Variants in PIMREG observed in about 807,000 individuals in gnomAD.
PIMREG encodes the protein PICALM interacting mitotic regulator.
A neutral mutation model predicts 24.3 loss-of-function variants in PIMREG; 19 were observed. The ratio of observed to expected loss-of-function variants is 0.78; its 90% CI spans 0.54 to 1.15. The LOEUF is 1.15. Ranked by LOEUF, PIMREG falls within the 50% of genes most tolerant of loss-of-function variation. PIMREG has a pLI of 0.00. For missense variants in PIMREG, 283 were observed against 306.8 expected (o/e 0.92, Z 0.58); for synonymous variants, 112 against 124.1 (o/e 0.90, Z 0.65).
rs1000648363 is a variant in PIMREG at position 6,445,190 on chromosome 17, A to G, written c.80A>G (p.Lys27Arg). 7.4e-6 allele frequency: 12 copies of G among 1,613,614 alleles called. No individual in the cohort carries two copies. The highest frequency in any genetic ancestry group is 1.3e-5 in the African/African-American group (1 of 74,880). ...LQHQEQLEDS[K>R]ELQPVVSHQE... ...CACCAGGAGCAGCTGGAGGACAGCAAGGAGCTGCAGCCTGTGGTCAGCCAT... is the reference window on the plus strand; with the variant it reads ...CACCAGGAGCAGCTGGAGGACAGCAGGGAGCTGCAGCCTGTGGTCAGCCAT... Residue 27 changes from lysine (K) to arginine (R), a missense_variant, in exon 2 of 6, where the codon AAG becomes AGG. Transcript: ENST00000572447.
rs1160080888 is a variant in PIMREG, at chr17:6,448,425, G to T, written c.590+667G>T. 2.0e-5 allele frequency among the ~76,000 whole-genome samples: 3 copies of T among 151,998 alleles called. No homozygotes were observed. The East Asian group carries it at 5.8e-4, about 29-fold the overall frequency. On this transcript the variant is annotated intron_variant, in intron 3 of 5. Transcript: ENST00000572447. Reference sequence around the variant, plus strand: ...GGCTGCATAGTAGCTTAGGGCTGTTGAATTTTTCCCCAGATTTCTTTGAGG... The same window carrying T: ...GGCTGCATAGTAGCTTAGGGCTGTTTAATTTTTCCCCAGATTTCTTTGAGG...
Position 6,450,015 on chromosome 17 carries a change from C to A in PIMREG, c.687-13C>A. The A allele has an allele frequency of 6.2e-7, 1 of 1,613,992 alleles. No individual in the cohort carries two copies. The highest frequency in any genetic ancestry group is 8.5e-7 in the Non-Finnish European group (1 of 1,179,844). On this transcript the variant is annotated splice_polypyrimidine_tract_variant and intron_variant, in intron 4 of 5. Coordinates refer to ENST00000572447, the MANE Select transcript of PIMREG (RefSeq NM_019013.3). ...CCACACCCAGTGGCATCAATCCCTC[C>A]CCTTCTCTCTAGTGGTGACATCGTC...
chr17:6,446,815 C>T (rs1433443638), intron 2 of PIMREG, among the ~76,000 whole-genome samples: 1 of 152,146 alleles, frequency 6.6e-6, no homozygotes. Context: ...GGCGGGGTGG[C>T]CTGTTCTTTT....
intron 1 of PIMREG, 69 bp from the exon 2 acceptor site, chr17:6,445,007 G>A: frequency 4.7e-6 from 6 of 1,278,728 alleles, no homozygotes; most frequent in Non-Finnish European, 6.3e-6. Flanking sequence ...CTGTGTCCAG[G>A]GTCTCTGTGG....
chr17:6,448,282 CAAAAAAAAA>C (rs71154695), intron 3 of PIMREG, among the ~76,000 whole-genome samples: 2 of 41,292 alleles, frequency 4.8e-5, no homozygotes, highest in Non-Finnish European at 8.4e-5. Flanking sequence ...GACCCTGTCT[CAAAAAAAAA>C]AAAAAAAAAA....
Position 6,447,628 on chromosome 17 carries a change from G to A in PIMREG, c.460G>A (p.Asp154Asn). The part of the protein sequence containing the change: ...SGAAPAHSAA[D>N]PWEKEHHRLS... ...AGCCGCCCCTGCCCACTCAGCCGCA[G>A]ACCCCTGGGAGAAGGAGCATCACCG... The change falls in exon 3 of 6, where the codon GAC (aspartate) becomes AAC (asparagine). Residue 154 changes from aspartate to asparagine, a missense_variant. By Grantham distance (23) the Asp-to-Asn change is conservative (BLOSUM62 1). Transcript: ENST00000572447. 1.2e-6 allele frequency: 2 copies of A among 1,613,876 alleles called. No individual in the cohort carries two copies. Among genetic ancestry groups the A allele is most frequent in the Non-Finnish European group, 1.7e-6 (2 of 1,179,900 alleles).
Position 6,450,831 on chromosome 17 carries a change from G to A in PIMREG, c.*484G>A, listed in dbSNP as rs962035191. On this transcript the variant is annotated 3_prime_UTR_variant, in exon 6 of 6. Transcript: ENST00000572447. ...TCCCTCCTTTCCCTACCAGGGACTC[G>A]GAGGAAGGCATAGGAGATATTTCCA... 1.3e-4 allele frequency: 26 copies of A among 193,394 alleles called. No individual in the cohort carries two copies. The highest frequency in any genetic ancestry group is 5.8e-4 in the African/African-American group (25 of 42,952). The allele number at this position is 193,394 out of a possible 1,614,324, so 12.0% of individuals were successfully genotyped here.
Position 6,449,023 on chromosome 17 carries a change from C to T in PIMREG, c.591-289C>T, listed in dbSNP as rs192506305. Among the ~76,000 whole-genome samples, 41 of 152,324 alleles carry T rather than the reference C, an allele frequency of 2.7e-4. 1 individual carries two copies. The highest frequency in any genetic ancestry group is 2.2e-3 in the Admixed American group (34 of 15,304). ...TTAGTTCTGACACAATCACACTCAC[C>T]CAAGCCTCCTAGTGAGCCCAGAAGC... is the stretch of plus-strand genomic sequence containing the variant. On this transcript the variant is annotated intron_variant, in intron 3 of 5. Transcript: ENST00000572447.
chr17:6,447,460 C>T lies in PIMREG; in HGVS notation c.295-3C>T. The T allele has an allele frequency of 6.2e-7, 1 of 1,613,028 alleles. No homozygotes were observed. On this transcript the variant is annotated splice_polypyrimidine_tract_variant and splice_region_variant and intron_variant, in intron 2 of 5. Transcript: ENST00000572447. ...TGCTAACCTTTCCATTTGCCTGTTC[C>T]AGAGAATCCAGGAGTCCTGCCAAAG...
rs1913530508 is a variant in PIMREG, at chr17:6,445,310, C to T, written c.200C>T (p.Pro67Leu). ...GTCAACCTCAACCTCCGCGCAGGGC[C>T]CTCCTGGAAACGCCTGGAAACCCCA... The part of the protein sequence containing the change: ...RAVNLNLRAG[P>L]SWKRLETPEP... Residue 67 changes from proline (P) to leucine (L), a missense_variant, in exon 2 of 6, where the codon CCC (proline) becomes CTC (leucine). Coordinates refer to ENST00000572447, the MANE Select transcript of PIMREG (RefSeq NM_019013.3). 1.2e-6 allele frequency: 2 copies of T among 1,614,000 alleles called. No homozygotes were observed. The highest frequency in any genetic ancestry group is 2.7e-5 in the African/African-American group (2 of 74,898).
chr17:6,448,479 A>G (rs1401628349), intron 3 of PIMREG, among the ~76,000 whole-genome samples: 1 of 152,210 alleles, frequency 6.6e-6, no homozygotes, highest in South Asian at 2.1e-4. Context: ...CCTAATAGGA[A>G]CTTTGAGCTG....
At position 6,450,400 on chromosome 17, in the gene PIMREG, A is replaced by T; in HGVS notation, c.*53A>T. On this transcript the variant is annotated 3_prime_UTR_variant, in exon 6 of 6. Transcript: ENST00000572447. ...TCTGACCGCCAAGGCTTCATACTCA[A>T]GGATGTCTATGCTTCCCCGTGAGCT... 2 of 1,570,918 alleles carry T rather than the reference A, an allele frequency of 1.3e-6. No homozygotes were observed. The highest frequency in any genetic ancestry group is 1.7e-6 in the Non-Finnish European group (2 of 1,166,064).
Position 6,444,931 on chromosome 17 carries a change from T to A in PIMREG, c.-35-145T>A, listed in dbSNP as rs1913511943. Reference sequence around the variant, plus strand: ...GAGGCCCCTCTTCCAGGAAGCATCCTCCTTCCTGCACCCACACTTACCAAC... The same window carrying A: ...GAGGCCCCTCTTCCAGGAAGCATCCACCTTCCTGCACCCACACTTACCAAC... On this transcript the variant is annotated intron_variant, in intron 1 of 5. Transcript: ENST00000572447. The surrounding 1 kb of genome is among the most constrained non-coding windows in gnomAD (Gnocchi z 4.3). 6 of 529,550 alleles carry A rather than the reference T, an allele frequency of 1.1e-5. No homozygotes were observed. In the East Asian group the frequency reaches 2.0e-4, roughly 17 times the overall value. 32.8% of individuals were successfully genotyped at this position (529,550 alleles called of 1,614,324 possible).
At chr17:6,450,244 T>C in intron 5 of PIMREG, 118 bp from the exon 6 acceptor site, 1 of 1,159,044 alleles carries the variant, frequency 8.6e-7, no homozygotes, top group South Asian at 1.4e-5. Context: ...AACAGCACGC[T>C]GGGGGCCCCA....
intron 1 of PIMREG, 62 bp from the exon 2 acceptor site, chr17:6,445,014 G>A: frequency 7.5e-7 from 1 of 1,335,174 alleles, no homozygotes; most frequent in Non-Finnish European, 1.0e-6. Flanking sequence ...CAGGGTCTCT[G>A]TGGGGCCTGG....
intron 2 of PIMREG, among the ~76,000 whole-genome samples, chr17:6,446,667 G>A (rs1216737330): frequency 6.6e-6 from 1 of 152,228 alleles, no homozygotes; most frequent in Non-Finnish European, 1.5e-5. Context: ...AGAAGCCACA[G>A]AAGAGTTTTG....
chr17:6,447,107 TTTG>T (rs1316616744), intron 2 of PIMREG, among the ~76,000 whole-genome samples: 3,244 of 68,058 alleles, frequency 0.048, 112 homozygotes, highest in Middle Eastern at 0.12. Context: ...GGTTTTTTTT[TTTG>T]TTGTTGTTTG....
chr17:6,445,120 C>A lies in PIMREG; in HGVS notation c.10C>A (p.Arg4=). MAS[R]WQNMGTSVRR... ...ACTCTTGGCCAGGCAGATGGCTTCT[C>A]GGTGGCAGAACATGGGGACCTCCGT... Residue 4 remains arginine, a synonymous_variant, in exon 2 of 6, where the codon CGG becomes AGG. Coordinates refer to ENST00000572447, the MANE Select transcript of PIMREG (RefSeq NM_019013.3). 6.3e-7 allele frequency: 1 copy of A among 1,593,986 alleles called. No homozygotes were observed.
At chr17:6,448,156 G>A (rs541473672) in intron 3 of PIMREG, among the ~76,000 whole-genome samples, 2 of 151,798 alleles carry the variant, frequency 1.3e-5, no homozygotes, top group East Asian at 3.9e-4. Flanking sequence ...GGTGGTGCAC[G>A]CCTGTAATCC....
Sources: allele counts gnomAD v4.1 joint callset (sites outside exome capture counted in the v4.1 genomes callset), GRCh38; gene constraint gnomAD v4.1.1; non-coding constraint Gnocchi (gnomAD v3.1); transcripts MANE v1.5; gene names NCBI Gene and HGNC (gene_info 2026-07-23, HGNC 2026-07-21).